The following KLF13 variants were observed in gnomAD, a reference collection of about 807,000 sequenced individuals.
KLF13 encodes the protein KLF transcription factor 13.
A neutral mutation model predicts 16.7 loss-of-function variants in KLF13; 8 were observed. The observed-to-expected ratio is 0.48, with a 90% confidence interval of 0.28 to 0.87. KLF13 has a LOEUF of 0.87. KLF13 is among the 40% of genes least tolerant of loss of function. The probability of loss-of-function intolerance (pLI) is 0.10; values close to 1 mark genes in which losing one functional copy is unlikely to be tolerated. For missense variants in KLF13, 447 were observed against 452.2 expected (o/e 0.99, Z 0.10); for synonymous variants, 245 against 208.4 (o/e 1.18, Z -1.51).
At chr15:31,399,006 G>A (rs1595498880) in intron 2 of KLF13, among the ~76,000 whole-genome samples, 1 of 152,210 alleles carries the variant, frequency 6.6e-6, no homozygotes, top group East Asian at 1.9e-4. Context: ...GTCCCTGGCA[G>A]AGTGCGAGCC....
chr15:31,394,371 C>T (rs1341538264), intron 2 of KLF13, among the ~76,000 whole-genome samples: 1 of 151,820 alleles, frequency 6.6e-6, no homozygotes, highest in Non-Finnish European at 1.5e-5. Context: ...CCTGTAGTCC[C>T]AGCTACTCGG....
At position 31,327,085 on chromosome 15, in the gene KLF13, A is replaced by G; in HGVS notation, c.-128A>G. ...GCACAGGCGGCTGCGCGCCCAGCCCAGCCCAGCCCAGCCCGAGGAGAGGGC... is the reference window on the plus strand; with the variant it reads ...GCACAGGCGGCTGCGCGCCCAGCCCGGCCCAGCCCAGCCCGAGGAGAGGGC... On this transcript the variant is annotated 5_prime_UTR_variant, in exon 1 of 2. Transcript: ENST00000307145. The G allele has an allele frequency of 2.2e-6, 1 of 446,168 alleles. No homozygotes were observed. The highest frequency in any genetic ancestry group is 3.0e-6 in the Non-Finnish European group (1 of 329,000). The allele number at this position is 446,168 out of a possible 1,614,324, so 27.6% of individuals were successfully genotyped here. A position where few individuals can be genotyped will look rare whatever the true frequency, so the allele number is the denominator to read the frequency against.
Position 31,327,800 on chromosome 15 carries a change from C to T in KLF13, c.577+11C>T, listed in dbSNP as rs761569189. 2.7e-6 allele frequency: 4 copies of T among 1,466,108 alleles called. No individual in the cohort carries two copies. The highest frequency in any genetic ancestry group is 3.6e-6 in the Non-Finnish European group (4 of 1,097,906). 90.8% of individuals were successfully genotyped at this position (1,466,108 alleles called of 1,614,324 possible). A position where few individuals can be genotyped will look rare whatever the true frequency, so the allele number is the denominator to read the frequency against. On this transcript the variant is annotated intron_variant, in intron 1 of 1. Coordinates refer to ENST00000307145, the MANE Select transcript of KLF13 (RefSeq NM_015995.4). Reference sequence around the variant, plus strand: ...TGAGAACTCACACAGGTCAGTGGGGCGGCGCGGGCGCCCGGATCGCGCGGA... The same window carrying T: ...TGAGAACTCACACAGGTCAGTGGGGTGGCGCGGGCGCCCGGATCGCGCGGA...
intron 1 of KLF13, among the ~76,000 whole-genome samples, chr15:31,333,461 T>C (rs533895282): frequency 6.6e-6 from 1 of 152,326 alleles, no homozygotes; most frequent in South Asian, 2.1e-4. Context: ...TTTTTGCTGC[T>C]TCTTAAAGGT....
chr15:31,372,186 T>A lies in KLF13; in HGVS notation c.754T>A (p.Phe252Ile). The part of the protein sequence containing the change: ...LTKHARRHAN[F>I]HPGMLQRRGG... ...CAAGCACGCGCGCCGCCACGCCAAC[T>A]TCCACCCGGGAATGCTGCAGCGGCG... Residue 252 changes from phenylalanine to isoleucine, a missense_variant, in exon 2 of 2, where the codon TTC becomes ATC. By Grantham distance (21) the Phe-to-Ile change is conservative (BLOSUM62 0). Coordinates refer to ENST00000307145, the MANE Select transcript of KLF13 (RefSeq NM_015995.4). 1 of 1,610,348 alleles carries A rather than the reference T, an allele frequency of 6.2e-7. No individual in the cohort carries two copies. The highest frequency in any genetic ancestry group is 8.5e-7 in the Non-Finnish European group (1 of 1,179,204).
chr15:31,379,217 T>C (rs751508926), downstream of KLF13, among the ~76,000 whole-genome samples: 17 of 152,192 alleles, frequency 1.1e-4, no homozygotes, highest in Non-Finnish European at 1.9e-4. Flanking sequence ...CCCAGGCACA[T>C]ACTGAACAGT....
intron 1 of KLF13, among the ~76,000 whole-genome samples, chr15:31,337,691 A>G (rs960838667): frequency 1.3e-5 from 2 of 152,224 alleles, no homozygotes; most frequent in Non-Finnish European, 2.9e-5. Flanking sequence ...CTGTAACACA[A>G]TGGTAAGCAT....
chr15:31,405,692 C>T (rs549136739), downstream of KLF13, among the ~76,000 whole-genome samples: 8 of 152,292 alleles, frequency 5.3e-5, no homozygotes, highest in African/African-American at 1.4e-4. Context: ...GTGACTCACC[C>T]GACTAAGCAG....
intron 1 of KLF13, among the ~76,000 whole-genome samples, chr15:31,350,327 G>C (rs1254741602): frequency 6.6e-6 from 1 of 152,224 alleles, no homozygotes; most frequent in East Asian, 1.9e-4. Context: ...GACCACATTG[G>C]TCCGTTGTTC....
intron 1 of KLF13, among the ~76,000 whole-genome samples, chr15:31,341,783 C>T (rs1189545043): frequency 6.6e-6 from 1 of 152,184 alleles, no homozygotes; most frequent in African/African-American, 2.4e-5. Flanking sequence ...CCCAGAGTCA[C>T]CCTGTGACAC....
chr15:31,415,704 A>G (rs991926475), intron 1 of KLF13, among the ~76,000 whole-genome samples: 1 of 152,152 alleles, frequency 6.6e-6, no homozygotes, highest in African/African-American at 2.4e-5. Flanking sequence ...ATCTTAAATC[A>G]ATACTCTAAC....
At chr15:31,344,444 A>G (rs575348663) in intron 1 of KLF13, among the ~76,000 whole-genome samples, 5 of 85,060 alleles carry the variant, frequency 5.9e-5, no homozygotes, top group African/African-American at 2.1e-4. Flanking sequence ...ATCCCCAGCC[A>G]CCCAGACATT....
At chr15:31,366,762 C>A (rs566107446) in intron 1 of KLF13, among the ~76,000 whole-genome samples, 1 of 152,236 alleles carries the variant, frequency 6.6e-6, no homozygotes, top group Admixed American at 6.5e-5. Context: ...TCACTGTACT[C>A]GGCTGCACGC....
At chr15:31,405,565 A>G (rs1288886149), downstream of KLF13, among the ~76,000 whole-genome samples, 2 of 152,204 alleles carry the variant, frequency 1.3e-5, no homozygotes, top group African/African-American at 4.8e-5. Flanking sequence ...ACATCTTGCT[A>G]GGAAATAGAA....
At chr15:31,405,047 C>G (rs747606760), downstream of KLF13, among the ~76,000 whole-genome samples, 1 of 152,154 alleles carries the variant, frequency 6.6e-6, no homozygotes, top group Non-Finnish European at 1.5e-5. Context: ...CCATGTGCCC[C>G]TGAAACTCAT....
At chr15:31,413,243 C>T (rs1177233452) in intron 1 of KLF13, among the ~76,000 whole-genome samples, 1 of 146,862 alleles carries the variant, frequency 6.8e-6, no homozygotes, top group African/African-American at 2.5e-5. Context: ...TGCGGGACAC[C>T]ATTAAACATA....
downstream of KLF13, among the ~76,000 whole-genome samples, chr15:31,405,239 G>C (rs557623233): frequency 1.3e-5 from 2 of 152,128 alleles, no homozygotes; most frequent in Non-Finnish European, 2.9e-5. Flanking sequence ...GCATGAAGCC[G>C]GGAGGCAGCG....
chr15:31,379,447 A>G (rs1303330333), downstream of KLF13, among the ~76,000 whole-genome samples: 5 of 148,672 alleles, frequency 3.4e-5, no homozygotes, highest in Admixed American at 3.3e-4. Context: ...ATTGACAGGA[A>G]AAAAAAAAAG....
downstream of KLF13, among the ~76,000 whole-genome samples, chr15:31,409,653 A>C (rs1233629491): frequency 6.6e-6 from 1 of 152,220 alleles, no homozygotes; most frequent in East Asian, 1.9e-4. Context: ...GACACGTTAC[A>C]TACAGAGAAA....
Sources: allele counts gnomAD v4.1 joint callset (sites outside exome capture counted in the v4.1 genomes callset), GRCh38; gene constraint gnomAD v4.1.1; transcripts MANE v1.5; gene names NCBI Gene and HGNC (gene_info 2026-07-23, HGNC 2026-07-21).